TTC28: variants seen among roughly 807,000 people sequenced by gnomAD.
The protein encoded by TTC28 is tetratricopeptide repeat protein 28.
Under a neutral mutation model 198.0 loss-of-function variants are expected in TTC28, and 61 were observed. The observed-to-expected ratio is 0.31, with a 90% CI of 0.25 to 0.38. TTC28 has a LOEUF of 0.38. TTC28 is among the 10% of genes least tolerant of loss of function. The pLI is 1.00. For missense variants in TTC28, 2,678 were observed against 3,164.0 expected (o/e 0.85, Z 3.69); for synonymous variants, 1,171 against 1,297.8 (o/e 0.90, Z 2.10).
chr22:28,021,653 T>C (rs551591478), intron 13 of TTC28, among the ~76,000 whole-genome samples: 2 of 152,310 alleles, frequency 1.3e-5, no homozygotes, highest in African/African-American at 4.8e-5. Context: ...CTCACATGTG[T>C]GCGTCTGATC....
chr22:28,239,642 C>A (rs1352606968), intron 5 of TTC28, among the ~76,000 whole-genome samples: 1 of 152,148 alleles, frequency 6.6e-6, no homozygotes, highest in Non-Finnish European at 1.5e-5. Flanking sequence ...AGAACACAGA[C>A]ACAGAGAGGT....
intron 2 of TTC28, among the ~76,000 whole-genome samples, chr22:28,494,320 T>A (rs2048422154): frequency 6.6e-6 from 1 of 152,208 alleles, no homozygotes; most frequent in African/African-American, 2.4e-5. Flanking sequence ...GCCATCAATC[T>A]AAGATGGTTC....
intron 5 of TTC28, among the ~76,000 whole-genome samples, chr22:28,193,075 A>C (rs1243969313): frequency 6.6e-6 from 1 of 152,252 alleles, no homozygotes; most frequent in Non-Finnish European, 1.5e-5. Flanking sequence ...AGCCCATCAG[A>C]CTAACAGCTG....
intron 2 of TTC28, among the ~76,000 whole-genome samples, chr22:28,528,541 A>C (rs1424067689): frequency 6.6e-6 from 1 of 151,666 alleles, no homozygotes; most frequent in Non-Finnish European, 1.5e-5. Flanking sequence ...ACCAGCCTGG[A>C]CATGATAAAA....
chr22:28,514,039 A>G (rs959724780), intron 2 of TTC28, among the ~76,000 whole-genome samples: 4 of 152,182 alleles, frequency 2.6e-5, no homozygotes, highest in Non-Finnish European at 5.9e-5. Flanking sequence ...AGAAAATACC[A>G]TTTGATTTTT....
chr22:28,528,248 A>C (rs2049048573), intron 2 of TTC28, among the ~76,000 whole-genome samples: 1 of 152,204 alleles, frequency 6.6e-6, no homozygotes, highest in African/African-American at 2.4e-5. Flanking sequence ...AAACACTCTT[A>C]TGGAGTTTAT....
chr22:28,105,914 T>A, intron 7 of TTC28, 112 bp from the exon 8 acceptor site: 1 of 1,248,642 alleles, frequency 8.0e-7, no homozygotes, highest in Non-Finnish European at 1.1e-6. Flanking sequence ...ATAGAAGCTC[T>A]TAACTCCTCT....
At chr22:28,365,397 G>T (rs530575874) in intron 2 of TTC28, among the ~76,000 whole-genome samples, 1 of 152,146 alleles carries the variant, frequency 6.6e-6, no homozygotes, top group Non-Finnish European at 1.5e-5. Context: ...AGGTATGCCT[G>T]TAATGAAACA....
chr22:28,128,124 G>A (rs976047788), intron 6 of TTC28, among the ~76,000 whole-genome samples: 4 of 152,084 alleles, frequency 2.6e-5, no homozygotes, highest in Admixed American at 6.6e-5. Context: ...AATTTCAAGC[G>A]TTGGCTGTTC....
At chr22:28,619,834 C>A (rs914664791) in intron 2 of TTC28, among the ~76,000 whole-genome samples, 1 of 151,928 alleles carries the variant, frequency 6.6e-6, no homozygotes, top group South Asian at 2.1e-4. Context: ...TATAGTAAAG[C>A]CAGGGTGGAA....
At chr22:28,048,917 C>T (rs1368376648) in intron 12 of TTC28, among the ~76,000 whole-genome samples, 1 of 152,150 alleles carries the variant, frequency 6.6e-6, no homozygotes, top group South Asian at 2.1e-4. Flanking sequence ...CAAATGCCTT[C>T]CCCTCTAGAA....
intron 2 of TTC28, among the ~76,000 whole-genome samples, chr22:28,395,487 A>C (rs906209359): frequency 6.6e-5 from 10 of 151,872 alleles, no homozygotes; most frequent in African/African-American, 2.2e-4. Flanking sequence ...CAAAAATTAG[A>C]TGGGAGTGGT....
At chr22:28,406,512 A>G (rs1005762210) in intron 2 of TTC28, among the ~76,000 whole-genome samples, 3 of 152,210 alleles carry the variant, frequency 2.0e-5, no homozygotes, top group African/African-American at 7.2e-5. Context: ...TGGTGGGCCT[A>G]GAGATGCATT....
intron 6 of TTC28, among the ~76,000 whole-genome samples, chr22:28,131,261 CT>C (rs1943054295): frequency 6.6e-6 from 1 of 152,056 alleles, no homozygotes; most frequent in African/African-American, 2.4e-5. Flanking sequence ...ATGCTGTTGG[CT>C]GAAGATCAGT....
intron 12 of TTC28, among the ~76,000 whole-genome samples, chr22:28,042,097 T>C (rs1472542982): frequency 2.6e-5 from 4 of 152,110 alleles, no homozygotes; most frequent in Non-Finnish European, 5.9e-5. Context: ...CTGGAGGGGA[T>C]GTGGAGAAAT....
chr22:28,269,720 T>C (rs932086111), intron 5 of TTC28, among the ~76,000 whole-genome samples: 1 of 152,180 alleles, frequency 6.6e-6, no homozygotes, highest in Non-Finnish European at 1.5e-5. Flanking sequence ...AAGACACTTA[T>C]GAAACAGGAG....
At chr22:28,578,185 C>T (rs907101310) in intron 2 of TTC28, among the ~76,000 whole-genome samples, 1 of 151,920 alleles carries the variant, frequency 6.6e-6, no homozygotes, top group African/African-American at 2.4e-5. Context: ...TCTTATAACC[C>T]ATTATTTTAA....
intron 5 of TTC28, among the ~76,000 whole-genome samples, chr22:28,184,480 AG>A (rs1462057116): frequency 6.6e-6 from 1 of 152,186 alleles, no homozygotes; most frequent in Non-Finnish European, 1.5e-5. Flanking sequence ...CCCCAAAGAA[AG>A]GAGTCATTAT....
intron 2 of TTC28, among the ~76,000 whole-genome samples, chr22:28,415,106 G>A (rs2047147041): frequency 6.6e-6 from 1 of 152,110 alleles, no homozygotes; most frequent in African/African-American, 2.4e-5. Context: ...ATTGGAAAGT[G>A]GCTCTGAGAT....
Sources: gnomAD v4.1 joint callset for allele counts (sites outside exome capture counted in the v4.1 genomes callset) on GRCh38, gnomAD v4.1.1 for gene constraint, MANE v1.5 for transcripts, NCBI Gene and HGNC (gene_info 2026-07-23, HGNC 2026-07-21) for gene names.